NR3C2: variants seen among roughly 807,000 people sequenced by gnomAD.
NR3C2 encodes mineralocorticoid receptor.
In NR3C2, 15 loss-of-function variants were observed where a neutral mutation model predicts 86.4. The ratio of observed to expected loss-of-function variants is 0.17; its 90% confidence interval spans 0.12 to 0.27. NR3C2 has a LOEUF of 0.27. Among genes scored for constraint, NR3C2 ranks in the 10% least tolerant of loss-of-function variants. The pLI is 1.00. For missense variants in NR3C2, 960 were observed against 1,195.6 expected, an observed-to-expected ratio of 0.80 and a Z score of 2.91; for synonymous variants, 458 against 450.5, an observed-to-expected ratio of 1.02 and a Z score of -0.21.
intron 8 of NR3C2, among the ~76,000 whole-genome samples, chr4:148,092,172 C>G (rs1046689370): frequency 1.3e-5 from 2 of 152,200 alleles, no homozygotes; most frequent in African/African-American, 4.8e-5. Flanking sequence ...GCAGTCACCT[C>G]TTCCCCGCAG....
intron 6 of NR3C2, among the ~76,000 whole-genome samples, chr4:148,122,062 T>C (rs946636593): frequency 5.9e-5 from 9 of 152,334 alleles, no homozygotes; most frequent in Admixed American, 4.6e-4. Context: ...CCACCAATGA[T>C]TGCCATTATC....
intron 8 of NR3C2, among the ~76,000 whole-genome samples, chr4:148,108,902 G>A (rs1163356807): frequency 6.6e-6 from 1 of 152,228 alleles, no homozygotes; most frequent in Non-Finnish European, 1.5e-5. Context: ...TGCCAGGGAA[G>A]ATGCAAACAA....
chr4:148,387,808 T>C (rs1021372335), intron 2 of NR3C2, among the ~76,000 whole-genome samples: 1 of 152,210 alleles, frequency 6.6e-6, no homozygotes, highest in Non-Finnish European at 1.5e-5. Context: ...CATGTTGTTT[T>C]CCCAGAAGGA....
chr4:148,361,384 A>C (rs1745828470), intron 2 of NR3C2, among the ~76,000 whole-genome samples: 1 of 152,230 alleles, frequency 6.6e-6, no homozygotes, highest in Admixed American at 6.5e-5. Context: ...ACATTCTGTC[A>C]ATGTCTCAGT....
intron 2 of NR3C2, among the ~76,000 whole-genome samples, chr4:148,290,175 G>A (rs906171869): frequency 2.0e-5 from 3 of 152,076 alleles, no homozygotes; most frequent in African/African-American, 7.2e-5. Context: ...CCCCCACATG[G>A]TCCGCTCTAT....
At position 148,435,363 on chromosome 4, in the gene NR3C2, C is replaced by T. The variant is rs760873549; in HGVS notation, c.1498G>A (p.Gly500Arg). 13 of 1,614,142 alleles carry T rather than the reference C, an allele frequency of 8.1e-6. No individual in the cohort carries two copies. The highest frequency in any genetic ancestry group is 6.7e-5 in the East Asian group (3 of 44,864). ...ATGCTGGCCTCTGGGTAATAGCTCC[C>T]ATCATCTGGTTCTTGTTTAATACCC... ...PVGIKQEPDD[G>R]SYYPEASIPS... Residue 500 changes from glycine to arginine, a missense_variant, in exon 2 of 9, where the codon GGG becomes AGG. Coordinates refer to ENST00000358102, the MANE Select transcript of NR3C2 (RefSeq NM_000901.5).
intron 2 of NR3C2, among the ~76,000 whole-genome samples, chr4:148,283,181 G>A (rs1741334268): frequency 6.6e-6 from 1 of 152,164 alleles, no homozygotes; most frequent in African/African-American, 2.4e-5. Flanking sequence ...TTTCATAAAA[G>A]TAAGTAAAAA....
chr4:148,206,408 A>G (rs1737008959), intron 3 of NR3C2, among the ~76,000 whole-genome samples: 1 of 152,180 alleles, frequency 6.6e-6, no homozygotes, highest in Non-Finnish European at 1.5e-5. Context: ...AAAGAAGCAA[A>G]TAATATGTAT....
At chr4:148,137,974 A>G (rs1733424779) in intron 6 of NR3C2, among the ~76,000 whole-genome samples, 2 of 152,188 alleles carry the variant, frequency 1.3e-5, no homozygotes, top group South Asian at 4.1e-4. Context: ...TGTTTCTTTT[A>G]AAATAAATTG....
At chr4:148,445,127 C>T (rs1207046298), upstream of NR3C2, among the ~76,000 whole-genome samples, 2 of 151,976 alleles carry the variant, frequency 1.3e-5, no homozygotes, top group African/African-American at 4.8e-5. Flanking sequence ...ACCTGGAGGC[C>T]AAAGGAAAAC....
chr4:148,286,904 C>T (rs1164288283), intron 2 of NR3C2, among the ~76,000 whole-genome samples: 5 of 152,176 alleles, frequency 3.3e-5, no homozygotes, highest in African/African-American at 9.7e-5. Context: ...ATGGGAATGT[C>T]GTTAGAGAGT....
At chr4:148,359,688 G>A (rs1040816636) in intron 2 of NR3C2, among the ~76,000 whole-genome samples, 1 of 152,142 alleles carries the variant, frequency 6.6e-6, no homozygotes, top group South Asian at 2.1e-4. Context: ...CATATTTTAT[G>A]GTGTCCCAGA....
chr4:148,176,224 G>T (rs1735368790), intron 4 of NR3C2, among the ~76,000 whole-genome samples: 1 of 152,140 alleles, frequency 6.6e-6, no homozygotes, highest in Non-Finnish European at 1.5e-5. Context: ...GTAAAACTGG[G>T]TTCATTTTTT....
chr4:148,370,380 A>C (rs13109808), intron 2 of NR3C2, among the ~76,000 whole-genome samples: 69,209 of 152,054 alleles, frequency 0.46, 16,362 homozygotes, highest in East Asian at 0.73. Flanking sequence ...CAGTAAAAAA[A>C]AAATACTAAG....
intron 2 of NR3C2, among the ~76,000 whole-genome samples, chr4:148,388,797 G>A (rs751502111): frequency 3.3e-5 from 5 of 152,118 alleles, no homozygotes; most frequent in African/African-American, 1.2e-4. Context: ...CTCTTTAGTC[G>A]CAAGGCTTGC....
At position 148,436,411 on chromosome 4, in the gene NR3C2, A is replaced by T; in HGVS notation, c.450T>A (p.Arg150=). Residue 150 remains arginine, a synonymous_variant, in exon 2 of 9, where the codon CGT becomes CGA. Coordinates refer to ENST00000358102, the MANE Select transcript of NR3C2 (RefSeq NM_000901.5). ...TGTTCACACAACTTAGAGTGGAAGG[A>T]CGATGGCCATTTCCTTTGTAAAATT... is the stretch of plus-strand genomic sequence containing the variant. The part of the protein sequence containing the change: ...LVKFYKGNGH[R]PSTLSCVNTP... 1 of 1,614,204 alleles carries T rather than the reference A, an allele frequency of 6.2e-7. No homozygotes were observed. The highest frequency in any genetic ancestry group is 8.5e-7 in the Non-Finnish European group (1 of 1,180,026).
At chr4:148,373,268 C>G (rs1375098171) in intron 2 of NR3C2, among the ~76,000 whole-genome samples, 2 of 152,142 alleles carry the variant, frequency 1.3e-5, no homozygotes, top group Non-Finnish European at 2.9e-5. Context: ...CCTTGCTCAA[C>G]TCTACCTTCT....
At chr4:148,354,678 A>C (rs1162012199) in intron 2 of NR3C2, among the ~76,000 whole-genome samples, 1 of 152,218 alleles carries the variant, frequency 6.6e-6, no homozygotes, top group Non-Finnish European at 1.5e-5. Flanking sequence ...CAAAACAATA[A>C]TGGAAGATTA....
chr4:148,259,707 TTC>T (rs1344529188), intron 3 of NR3C2, among the ~76,000 whole-genome samples: 2 of 152,196 alleles, frequency 1.3e-5, no homozygotes, highest in African/African-American at 4.8e-5. Flanking sequence ...GGAATTATTT[TTC>T]TGAGTCTTAC....
Sources: gnomAD v4.1 joint callset for allele counts (sites outside exome capture counted in the v4.1 genomes callset) on GRCh38, gnomAD v4.1.1 for gene constraint, MANE v1.5 for transcripts, NCBI Gene and HGNC (gene_info 2026-07-23, HGNC 2026-07-21) for gene names.